Variants in SH2D4B observed in about 807,000 individuals in gnomAD.
The protein encoded by SH2D4B is SH2 domain-containing protein 4B.
SH2D4B carries 45 observed loss-of-function variants against 61.5 expected under a neutral mutation model. The ratio of observed to expected loss-of-function variants is 0.73; its 90% CI spans 0.58 to 0.94. SH2D4B has a LOEUF of 0.94. Ranked by LOEUF, SH2D4B falls within the 40% of genes least tolerant of loss-of-function variation. The probability of loss-of-function intolerance (pLI) is 0.00; values close to 1 mark genes in which losing one functional copy is unlikely to be tolerated. For synonymous variants in SH2D4B, 224 were observed against 220.4 expected (o/e 1.02, Z -0.14); for missense variants, 572 against 574.2 (o/e 1.00, Z 0.04).
Position 80,634,415 on chromosome 10 carries a change from T to A in SH2D4B, c.1119T>A (p.Phe373Leu). Reference sequence around the variant, plus strand: ...GCCTGCAGAAAGGGTTCAAACACTTTCTTGTGGATGCTTCTGGGGATTTTT... The same window carrying A: ...GCCTGCAGAAAGGGTTCAAACACTTACTTGTGGATGCTTCTGGGGATTTTT... ...SYRLQKGFKHFLVDASGDFYS... is the reference protein window; with the variant it reads ...SYRLQKGFKHLLVDASGDFYS... Residue 373 changes from phenylalanine to leucine, a missense_variant, in exon 7 of 8, where the codon TTT becomes TTA. Coordinates refer to ENST00000646907, the MANE Select transcript of SH2D4B (RefSeq NM_001388272.1). 1 of 1,550,560 alleles carries A rather than the reference T, an allele frequency of 6.4e-7. No individual in the cohort carries two copies. Among genetic ancestry groups the A allele is most frequent in the South Asian group, 1.2e-5 (1 of 84,060 alleles).
chr10:80,641,817 T>C (rs1008548057), intron 7 of SH2D4B, among the ~76,000 whole-genome samples: 4 of 152,214 alleles, frequency 2.6e-5, no homozygotes, highest in African/African-American at 9.6e-5. Flanking sequence ...CACAGTTTCA[T>C]TTCTAACACT....
At chr10:80,546,695 T>G (rs968635577) in intron 1 of SH2D4B, among the ~76,000 whole-genome samples, 1 of 152,006 alleles carries the variant, frequency 6.6e-6, no homozygotes, top group Admixed American at 6.6e-5. Flanking sequence ...CCGGCTAATT[T>G]TTTTTGTATT....
At chr10:80,629,175 G>A (rs1397480034) in intron 6 of SH2D4B, among the ~76,000 whole-genome samples, 2 of 152,106 alleles carry the variant, frequency 1.3e-5, no homozygotes, top group Admixed American at 1.3e-4. Context: ...GAGGCCTCAG[G>A]AAGCTTCCTA....
chr10:80,576,918 C>A (rs993931803), intron 3 of SH2D4B, among the ~76,000 whole-genome samples: 4 of 152,152 alleles, frequency 2.6e-5, no homozygotes, highest in Admixed American at 2.0e-4. Context: ...CAGGTGCACA[C>A]CACCACACCC....
chr10:80,540,674 G>T (rs1196992149), intron 1 of SH2D4B: 2 of 682,712 alleles, frequency 2.9e-6, no homozygotes, highest in Non-Finnish European at 4.8e-6. Flanking sequence ...ACATTCACTT[G>T]TTCACTCATT....
At position 80,552,581 on chromosome 10, in the gene SH2D4B, C is replaced by T. The variant is rs545730775; in HGVS notation, c.184+14066C>T. On this transcript the variant is annotated intron_variant, in intron 1 of 7. Coordinates refer to ENST00000646907, the MANE Select transcript of SH2D4B (RefSeq NM_001388272.1). ...GAGAAAGGCCACCAGCTGCTTATCT[C>T]GGCACTCCCTGTAACCCAATCCCAG... Among the ~76,000 whole-genome samples, 4 of 152,270 alleles carry T rather than the reference C, an allele frequency of 2.6e-5. No homozygotes were observed. In the East Asian group the frequency reaches 5.8e-4, roughly 22 times the overall value.
intron 1 of SH2D4B, among the ~76,000 whole-genome samples, chr10:80,552,051 A>G (rs1347318267): frequency 6.6e-6 from 1 of 152,124 alleles, no homozygotes; most frequent in Non-Finnish European, 1.5e-5. Flanking sequence ...CCATTCATGA[A>G]AGTTCCATTT....
intron 4 of SH2D4B, among the ~76,000 whole-genome samples, chr10:80,594,743 T>C (rs545686942): frequency 6.6e-6 from 1 of 152,342 alleles, no homozygotes; most frequent in South Asian, 2.1e-4. Context: ...TCTGAGAAAG[T>C]TGGCTCTGAG....
intron 1 of SH2D4B, among the ~76,000 whole-genome samples, chr10:80,564,353 A>G (rs555866651): frequency 2.0e-5 from 3 of 152,324 alleles, no homozygotes; most frequent in African/African-American, 7.2e-5. Context: ...TGCTGAATCC[A>G]GCGTCCAATT....
intron 6 of SH2D4B, among the ~76,000 whole-genome samples, chr10:80,630,299 A>G (rs1240322498): frequency 6.6e-6 from 1 of 152,132 alleles, no homozygotes; most frequent in Non-Finnish European, 1.5e-5. Flanking sequence ...ACATGACCCC[A>G]TGGAGGATCC....
At chr10:80,551,618 C>G (rs1412906161) in intron 1 of SH2D4B, among the ~76,000 whole-genome samples, 1 of 152,082 alleles carries the variant, frequency 6.6e-6, no homozygotes, top group Admixed American at 6.6e-5. Context: ...CACTAATAAA[C>G]CACTTCCACT....
At chr10:80,640,917 T>C (rs1357242202) in intron 7 of SH2D4B, among the ~76,000 whole-genome samples, 1 of 152,208 alleles carries the variant, frequency 6.6e-6, no homozygotes, top group Admixed American at 6.5e-5. Flanking sequence ...TTTCTCCCCA[T>C]CTTTGTGGTT....
chr10:80,624,182 C>G (rs1405848401), intron 6 of SH2D4B, among the ~76,000 whole-genome samples: 1 of 152,202 alleles, frequency 6.6e-6, no homozygotes, highest in Non-Finnish European at 1.5e-5. Context: ...ACTTCTCTCT[C>G]TACACATACC....
chr10:80,540,987 A>G, intron 1 of SH2D4B: 4 of 1,261,384 alleles, frequency 3.2e-6, no homozygotes, highest in Non-Finnish European at 4.5e-6. Flanking sequence ...CTTGAGAAAG[A>G]ACTCGGGAAT....
chr10:80,587,531 G>A (rs1268110163), intron 3 of SH2D4B, among the ~76,000 whole-genome samples: 1 of 151,896 alleles, frequency 6.6e-6, no homozygotes, highest in Admixed American at 6.5e-5. Context: ...CGCCTGCCTT[G>A]GCCTCCCAGA....
Position 80,603,617 on chromosome 10 carries a change from C to G in SH2D4B, c.682C>G (p.Arg228Gly), listed in dbSNP as rs745382092. 3.8e-6 allele frequency: 6 copies of G among 1,581,532 alleles called. No homozygotes were observed. The highest frequency in any genetic ancestry group is 3.5e-5 in the South Asian group (3 of 86,784). Residue 228 changes from arginine (R) to glycine (G), a missense_variant, in exon 5 of 8, where the codon CGA (arginine) becomes GGA (glycine). Arg to Gly is a moderately radical substitution (Grantham distance 125). Coordinates refer to ENST00000646907, the MANE Select transcript of SH2D4B (RefSeq NM_001388272.1). ...SKAADEERSR[R>G]AQRARDEYRH... ...GGCGGCTGATGAGGAGAGGAGCCGCCGAGCCCAGCGCGCCCGGGACGAGTA... is the reference window on the plus strand; with the variant it reads ...GGCGGCTGATGAGGAGAGGAGCCGCGGAGCCCAGCGCGCCCGGGACGAGTA...
chr10:80,560,951 C>T (rs189640919), intron 1 of SH2D4B, among the ~76,000 whole-genome samples: 1 of 152,186 alleles, frequency 6.6e-6, no homozygotes, highest in African/African-American at 2.4e-5. Context: ...TTCACCATCA[C>T]ACACTCTCGA....
At chr10:80,550,269 A>G (rs1035544267) in intron 1 of SH2D4B, among the ~76,000 whole-genome samples, 3 of 152,154 alleles carry the variant, frequency 2.0e-5, no homozygotes, top group Admixed American at 1.3e-4. Flanking sequence ...ACCCCTATGC[A>G]TTTCATAAAA....
chr10:80,597,652 C>T (rs1231262306), intron 4 of SH2D4B, among the ~76,000 whole-genome samples: 1 of 151,656 alleles, frequency 6.6e-6, no homozygotes, highest in South Asian at 2.1e-4. Context: ...GGCAACAGAG[C>T]GAGACTCCAT....
Sources: gnomAD v4.1 joint callset for allele counts (sites outside exome capture counted in the v4.1 genomes callset) on GRCh38, gnomAD v4.1.1 for gene constraint, MANE v1.5 for transcripts, NCBI Gene and HGNC (gene_info 2026-07-23, HGNC 2026-07-21) for gene names.